Variants in ZNF536 observed in about 807,000 individuals in gnomAD.
ZNF536 encodes the protein zinc finger protein 536.
Under a neutral mutation model 84.5 loss-of-function variants are expected in ZNF536, and 13 were observed. The ratio of observed to expected loss-of-function variants is 0.15; its 90% CI spans 0.10 to 0.24. ZNF536 has a LOEUF of 0.24. ZNF536 is among the 10% of genes least tolerant of loss of function. The pLI is 1.00. For synonymous variants in ZNF536, 811 were observed against 742.5 expected (o/e 1.09, Z -1.50); for missense variants, 1,536 against 1,747.5 (o/e 0.88, Z 2.16).
chr19:30,266,692 G>A (rs1010851174), intron 1 of ZNF536, among the ~76,000 whole-genome samples: 6 of 152,140 alleles, frequency 3.9e-5, no homozygotes, highest in Non-Finnish European at 7.3e-5. Context: ...AATTATTTAC[G>A]TAAACTTCAT....
chr19:30,291,861 G>A (rs2045851145), intron 2 of ZNF536, among the ~76,000 whole-genome samples: 1 of 151,948 alleles, frequency 6.6e-6, no homozygotes, highest in Admixed American at 6.6e-5. Flanking sequence ...ATTTTTATAT[G>A]ATTGAAAAAA....
intron 1 of ZNF536, among the ~76,000 whole-genome samples, chr19:30,423,151 AACCAT>A (rs2051055169): frequency 1.4e-5 from 2 of 141,788 alleles, no homozygotes; most frequent in African/African-American, 5.3e-5. Context: ...CCATCCATCC[AACCAT>A]CCATCCATCC....
At chr19:30,520,662 A>C (rs542515799) in intron 2 of ZNF536, among the ~76,000 whole-genome samples, 1 of 152,180 alleles carries the variant, frequency 6.6e-6, no homozygotes, top group African/African-American at 2.4e-5. Flanking sequence ...TTGATCATGC[A>C]GGGGGAGGGG....
chr19:30,266,724 A>G (rs1425062680), intron 1 of ZNF536, among the ~76,000 whole-genome samples: 1 of 152,210 alleles, frequency 6.6e-6, no homozygotes, highest in African/African-American at 2.4e-5. Flanking sequence ...AATACTCCCA[A>G]CTGTGCCTTT....
At chr19:30,573,751 C>T (rs1401435310) in intron 1 of ZNF536, among the ~76,000 whole-genome samples, 5 of 152,142 alleles carry the variant, frequency 3.3e-5, no homozygotes, top group Non-Finnish European at 7.3e-5. Flanking sequence ...ACCTGGAAAA[C>T]GTGGGCCAAT....
intron 2 of ZNF536, among the ~76,000 whole-genome samples, chr19:30,486,915 C>T (rs1211158493): frequency 2.0e-5 from 3 of 152,146 alleles, no homozygotes; most frequent in Non-Finnish European, 4.4e-5. Context: ...AATAAAACTA[C>T]TAAGTAGAAG....
chr19:30,311,192 A>C (rs931638201), intron 2 of ZNF536, among the ~76,000 whole-genome samples: 1 of 151,954 alleles, frequency 6.6e-6, no homozygotes. Context: ...GTCTTTCCTA[A>C]TGCTCTGGGC....
At position 30,390,223 on chromosome 19, in the gene ZNF536, T is replaced by C. The variant is rs191029903; in HGVS notation, c.-3+17667T>C. On this transcript the variant is annotated intron_variant, in intron 1 of 4. Coordinates refer to ENST00000355537, the MANE Select transcript of ZNF536 (RefSeq NM_014717.3). ...GAAGAGAAGCCTGCTAATTTGCTTT[T>C]TTTCCTTTACTTTAATCTTTAGTTC... is the stretch of plus-strand genomic sequence containing the variant. 1.9e-3 allele frequency among the ~76,000 whole-genome samples: 285 copies of C among 152,272 alleles called. 1 individual carries two copies. The highest frequency in any genetic ancestry group is 3.5e-3 in the Non-Finnish European group (239 of 68,012).
chr19:30,540,269 T>C (rs1440624050), intron 3 of ZNF536, among the ~76,000 whole-genome samples: 4 of 152,038 alleles, frequency 2.6e-5, no homozygotes, highest in African/African-American at 4.8e-5. Context: ...CCCTTTCCTA[T>C]AGGACCAAGG....
intron 1 of ZNF536, among the ~76,000 whole-genome samples, chr19:30,381,695 T>C (rs1354241493): frequency 6.6e-6 from 1 of 152,156 alleles, no homozygotes; most frequent in Non-Finnish European, 1.5e-5. Context: ...CCAAGGGCCA[T>C]AGGAAGCCTC....
At chr19:30,659,296 G>A (rs1220998797) in intron 1 of ZNF536, among the ~76,000 whole-genome samples, 1 of 152,012 alleles carries the variant, frequency 6.6e-6, no homozygotes, top group Non-Finnish European at 1.5e-5. Context: ...GCCAGGGCAG[G>A]AGGAAAGGAG....
intron 1 of ZNF536, among the ~76,000 whole-genome samples, chr19:30,583,173 C>T (rs1300784795): frequency 6.6e-6 from 1 of 152,206 alleles, no homozygotes; most frequent in African/African-American, 2.4e-5. Context: ...GCCTTATCAA[C>T]ACTGACAGTC....
intron 1 of ZNF536, among the ~76,000 whole-genome samples, chr19:30,244,284 T>C (rs576248329): frequency 4.9e-4 from 74 of 152,208 alleles, no homozygotes; most frequent in African/African-American, 1.7e-3. Flanking sequence ...TCATAGAGTC[T>C]TTAAGAACGA....
chr19:30,624,442 C>T (rs1365199927), intron 1 of ZNF536, among the ~76,000 whole-genome samples: 2 of 152,158 alleles, frequency 1.3e-5, no homozygotes, highest in Non-Finnish European at 2.9e-5. Context: ...TGGGAAAGCC[C>T]TTAACACATG....
At chr19:30,621,808 C>T (rs2048493083) in intron 1 of ZNF536, among the ~76,000 whole-genome samples, 1 of 152,238 alleles carries the variant, frequency 6.6e-6, no homozygotes, top group African/African-American at 2.4e-5. Flanking sequence ...AGGCCGGGAA[C>T]CTCACAGCGT....
chr19:30,662,369 C>G (rs1012236398), intron 1 of ZNF536, among the ~76,000 whole-genome samples: 3 of 152,174 alleles, frequency 2.0e-5, no homozygotes, highest in Non-Finnish European at 4.4e-5. Flanking sequence ...AATTTAAGAA[C>G]AGTCATTTTG....
At chr19:30,403,185 A>G (rs1024286265) in intron 1 of ZNF536, among the ~76,000 whole-genome samples, 2 of 152,206 alleles carry the variant, frequency 1.3e-5, no homozygotes, top group East Asian at 1.9e-4. Flanking sequence ...CCTCCAAAGC[A>G]TATGTGATCT....
chr19:30,458,447 GTTTTTTT>G (rs3084731), intron 2 of ZNF536, among the ~76,000 whole-genome samples: 6 of 83,490 alleles, frequency 7.2e-5, no homozygotes, highest in African/African-American at 3.4e-4. Context: ...ATTTCCTGCT[GTTTTTTT>G]TTTTTTTTTT....
intron 3 of ZNF536, among the ~76,000 whole-genome samples, chr19:30,543,102 T>G (rs926164377): frequency 2.0e-5 from 3 of 152,228 alleles, no homozygotes; most frequent in African/African-American, 7.2e-5. Flanking sequence ...TGAGCCACCA[T>G]GCCTGGCCGA....
Sources: allele counts gnomAD v4.1 joint callset (sites outside exome capture counted in the v4.1 genomes callset), GRCh38; gene constraint gnomAD v4.1.1; transcripts MANE v1.5; gene names NCBI Gene and HGNC (gene_info 2026-07-23, HGNC 2026-07-21).